CPT1B: variants seen among roughly 807,000 people sequenced by gnomAD.
The protein encoded by CPT1B is carnitine palmitoyltransferase 1B, also known as carnitine O-palmitoyltransferase 1, muscle isoform.
In CPT1B, 57 loss-of-function variants were observed where a neutral mutation model predicts 92.7. The observed-to-expected ratio is 0.62, with a 90% CI of 0.50 to 0.77. CPT1B has a LOEUF of 0.77. Among genes scored for constraint, CPT1B ranks in the 30% least tolerant of loss-of-function variants. The pLI is 0.00. For synonymous variants in CPT1B, 398 were observed against 383.5 expected (o/e 1.04, Z -0.44); for missense variants, 983 against 1,017.4 (o/e 0.97, Z 0.46).
At chr22:50,571,130 G>T (rs2070146211) in intron 15 of CPT1B, 28 bp downstream of exon 15, 1 of 1,613,230 alleles carries the variant, frequency 6.2e-7, no homozygotes, top group Admixed American at 1.7e-5. Context: ...CGACGACTGT[G>T]ACCCCCACAT....
intron 2 of CPT1B, 39 bp from the exon 3 acceptor site, chr22:50,577,502 C>A: frequency 6.2e-7 from 1 of 1,608,934 alleles, no homozygotes; most frequent in Non-Finnish European, 8.5e-7. Context: ...AGCCGGAAGG[C>A]GGGAGGTTAG....
intron 1 of CPT1B, 142 bp downstream of exon 1, chr22:50,578,244 A>C (rs2070562616): frequency 6.5e-6 from 1 of 153,132 alleles, no homozygotes; most frequent in South Asian, 2.1e-4. Context: ...CGCCCCTGGA[A>C]GTGGAGCCGG....
At chr22:50,578,300 C>A (rs1192458669) in intron 1 of CPT1B, 86 bp downstream of exon 1, 1 of 152,512 alleles carries the variant, frequency 6.6e-6, no homozygotes, top group Non-Finnish European at 1.5e-5. Context: ...CCCACCCGAG[C>A]GCGCGGGCCC....
intron 2 of CPT1B, 79 bp downstream of exon 2, chr22:50,577,696 C>T (rs2070519542): frequency 6.4e-7 from 1 of 1,567,264 alleles, no homozygotes; most frequent in Middle Eastern, 1.7e-4. Flanking sequence ...GCCAAGGAGG[C>T]AGTGAGGGAC....
chr22:50,577,793 T>G lies in CPT1B; in HGVS notation c.123A>C (p.Lys41Asn). The change falls in exon 2 of 20, where the codon AAA becomes AAC. Residue 41 changes from lysine (K) to asparagine (N), a missense_variant. By Grantham distance (94) the Lys-to-Asn change is moderately conservative. Coordinates refer to ENST00000312108, the MANE Select transcript of CPT1B (RefSeq NM_152246.3). ...VYLSGINSWK[K>N]RLIRIKNGIL... ...TGCGCACCTTGATGCGGATCAGGCG[T>G]TTCTTCCAGGAGTTGATCCCAGACA... 1 of 1,613,830 alleles carries G rather than the reference T, an allele frequency of 6.2e-7. No individual in the cohort carries two copies. Among genetic ancestry groups the G allele is most frequent in the South Asian group, 1.1e-5 (1 of 91,090 alleles).
Position 50,574,849 on chromosome 22 carries a change from C to A in CPT1B, c.778-249G>T, listed in dbSNP as rs768370351. ...TTAGGGTCTTGCTCTGTCGCCCAGG[C>A]TGGAGTGCAGCGGAACAAGCATGGC... On this transcript the variant is annotated intron_variant, in intron 7 of 19. Coordinates refer to ENST00000312108, the MANE Select transcript of CPT1B (RefSeq NM_152246.3). The A allele has an allele frequency of 4.4e-5, 21 of 475,790 alleles. 2 individuals carry two copies. Among genetic ancestry groups the A allele is most frequent in the Non-Finnish European group, 6.9e-5 (18 of 261,524 alleles). The allele number at this position is 475,790 out of a possible 1,614,324, so 29.5% of individuals were successfully genotyped here.
intron 11 of CPT1B, 108 bp downstream of exon 11, chr22:50,572,767 T>C: frequency 8.1e-7 from 1 of 1,232,906 alleles, no homozygotes; most frequent in Non-Finnish European, 1.2e-6. Context: ...CACAGGTGTG[T>C]GCCACTGCAC....
Position 50,572,358 on chromosome 22 carries a change from G to A in CPT1B, c.1353-50C>T, listed in dbSNP as rs541646995. 174 of 1,237,096 alleles carry A rather than the reference G, an allele frequency of 1.4e-4. 1 individual carries two copies. Among genetic ancestry groups the A allele is most frequent in the East Asian group, 1.2e-3 (50 of 42,972 alleles). 76.6% of individuals were successfully genotyped at this position (1,237,096 alleles called of 1,614,324 possible). A position where few individuals can be genotyped will look rare whatever the true frequency, so the allele number is the denominator to read the frequency against. ...GAACCAAAGCTGGGAATGTCCAGAG[G>A]TGCCTGACCTGCAACCCCAACCTTT... On this transcript the variant is annotated intron_variant, in intron 11 of 19. Transcript: ENST00000312108.
intron 5 of CPT1B, 74 bp downstream of exon 5, chr22:50,576,462 A>G: frequency 6.2e-7 from 1 of 1,600,906 alleles, no homozygotes; most frequent in South Asian, 1.1e-5. Context: ...CTCTTTGCAC[A>G]GAACCTTATA....
chr22:50,576,172 C>T, intron 6 of CPT1B, 26 bp downstream of exon 6: 1 of 1,614,080 alleles, frequency 6.2e-7, no homozygotes. Context: ...TGGCAGGTGA[C>T]AGTGAGCCCA....
chr22:50,569,638 T>C lies in CPT1B; in HGVS notation c.2173A>G (p.Met725Val). Residue 725 changes from methionine (M) to valine (V), a missense_variant, in exon 18 of 20, where the codon ATG (methionine) becomes GTG (valine). By Grantham distance (21) the Met-to-Val change is conservative. Transcript: ENST00000312108. ...VADDGYGVSYMIAGENTIFFH... is the reference protein window; with the variant it reads ...VADDGYGVSYVIAGENTIFFH... ...AAGATCGTGTTCTCGCCTGCAATCA[T>C]GTAGGAAACTCCATAGCCATCATCT... The C allele has an allele frequency of 1.2e-6, 2 of 1,614,042 alleles. No individual in the cohort carries two copies. Among genetic ancestry groups the C allele is most frequent in the Non-Finnish European group, 1.7e-6 (2 of 1,180,014 alleles).
intron 9 of CPT1B, 46 bp downstream of exon 9, chr22:50,574,289 G>A (rs1020167345): frequency 1.7e-5 from 26 of 1,517,466 alleles, no homozygotes; most frequent in African/African-American, 8.2e-5. Context: ...GGAGGGCAGC[G>A]AGCCAGCCAG....
Position 50,573,236 on chromosome 22 carries a change from G to T in CPT1B, c.1167-176C>A. The T allele has an allele frequency of 1.6e-6, 1 of 610,938 alleles. No homozygotes were observed. The highest frequency in any genetic ancestry group is 2.8e-6 in the Non-Finnish European group (1 of 358,162). The allele number at this position is 610,938 out of a possible 1,614,324, so 37.8% of individuals were successfully genotyped here. A position where few individuals can be genotyped will look rare whatever the true frequency, so the allele number is the denominator to read the frequency against. On this transcript the variant is annotated intron_variant, in intron 10 of 19. Coordinates refer to ENST00000312108, the MANE Select transcript of CPT1B (RefSeq NM_152246.3). This position sits in a 1 kb window ranked among gnomAD's most constrained non-coding sequence, Gnocchi z 5.0. ...AGGCTGGGCCTGGAGGTGTTGGGGT[G>T]CGTGCCAGGCTGCGCCTGGAGGTGG...
chr22:50,571,591 T>C (rs773288646), intron 13 of CPT1B, 52 bp from the exon 14 acceptor site: 1 of 1,586,754 alleles, frequency 6.3e-7, no homozygotes, highest in East Asian at 2.2e-5. Context: ...CAAGCAGGAC[T>C]CTGGGTCATG....
chr22:50,574,601 C>A lies in CPT1B; in HGVS notation c.778-1G>T. 1 of 1,613,954 alleles carries A rather than the reference C, an allele frequency of 6.2e-7. No individual in the cohort carries two copies. The highest frequency in any genetic ancestry group is 8.5e-7 in the Non-Finnish European group (1 of 1,179,918). ...CTGTATTCTTGATGAGCACAAGGTC[C>A]TACAGAGGAACAGAGCCCGCGGGGT... On this transcript the variant is annotated splice_acceptor_variant, in intron 7 of 19. Transcript: ENST00000312108. LOFTEE classifies it high-confidence loss of function.
intron 16 of CPT1B, among the ~76,000 whole-genome samples, 167 bp from the exon 17 acceptor site, chr22:50,570,573 G>A (rs923509004): frequency 1.3e-5 from 2 of 152,168 alleles, no homozygotes; most frequent in Non-Finnish European, 2.9e-5. Context: ...AGGCTTGTGT[G>A]AGCTGCCCAG....
chr22:50,575,260 C>T (rs1241184413), intron 7 of CPT1B, among the ~76,000 whole-genome samples: 2 of 152,184 alleles, frequency 1.3e-5, no homozygotes, highest in Admixed American at 6.5e-5. Context: ...CCACCTGCCT[C>T]GGCCTCCCAA....
chr22:50,575,329 T>C (rs2070383109), intron 7 of CPT1B, among the ~76,000 whole-genome samples: 1 of 152,220 alleles, frequency 6.6e-6, no homozygotes, highest in South Asian at 2.1e-4. Flanking sequence ...TTTTATAAGC[T>C]ATTTTATGTG....
chr22:50,574,703 C>G (rs1188952218), intron 7 of CPT1B, 103 bp from the exon 8 acceptor site: 3 of 848,006 alleles, frequency 3.5e-6, no homozygotes, highest in Non-Finnish European at 4.0e-6. Flanking sequence ...GGTGTTCTGT[C>G]TCCCTCTTCC....
Sources: allele counts gnomAD v4.1 joint callset (sites outside exome capture counted in the v4.1 genomes callset), GRCh38; gene constraint gnomAD v4.1.1; non-coding constraint Gnocchi (gnomAD v3.1); transcripts MANE v1.5; gene names NCBI Gene and HGNC (gene_info 2026-07-23, HGNC 2026-07-21).